Variants in MAPK9 observed in about 807,000 individuals in gnomAD.
MAPK9 encodes Jun kinase.
In MAPK9, 30 loss-of-function variants were observed where a neutral mutation model predicts 57.1. The observed-to-expected ratio is 0.53, with a 90% CI of 0.39 to 0.71. MAPK9 has a LOEUF of 0.71. Ranked by LOEUF, MAPK9 falls within the 30% of genes least tolerant of loss-of-function variation. The pLI is 0.00. For synonymous variants in MAPK9, 155 were observed against 177.0 expected (o/e 0.88, Z 0.99); for missense variants, 362 against 521.0 (o/e 0.69, Z 2.97).
chr5:180,281,860 C>T (rs530410817), intron 1 of MAPK9, among the ~76,000 whole-genome samples: 1 of 152,334 alleles, frequency 6.6e-6, no homozygotes, highest in Admixed American at 6.5e-5. Context: ...GGTGTGTTAG[C>T]GTGCCAGCCA....
Position 180,241,015 on chromosome 5 carries a change from C to T in MAPK9, c.996+16G>A. 3.1e-6 allele frequency: 5 copies of T among 1,609,318 alleles called. No homozygotes were observed. In the African/African-American group the frequency reaches 6.7e-5, roughly 22 times the overall value. The stretch of plus-strand genomic sequence containing the variant: ...CCTGGCCTCTCTATATAAATCTTTT[C>T]AAAACAGATACTCACGGCTTCTGCT... On this transcript the variant is annotated intron_variant, in intron 9 of 11. Transcript: ENST00000452135.
chr5:180,254,998 C>T (rs971372370), intron 5 of MAPK9, among the ~76,000 whole-genome samples: 1 of 152,156 alleles, frequency 6.6e-6, no homozygotes, highest in African/African-American at 2.4e-5. Flanking sequence ...CATGCCACTG[C>T]ACTCCAGCCT....
At chr5:180,266,942 A>G (rs1394390893) in intron 3 of MAPK9, among the ~76,000 whole-genome samples, 1 of 152,194 alleles carries the variant, frequency 6.6e-6, no homozygotes, top group East Asian at 1.9e-4. Flanking sequence ...AAACAAAACA[A>G]TCTATCCAAC....
chr5:180,241,163 GACA>G lies in MAPK9; in HGVS notation c.872-11_872-9del. The G allele has an allele frequency of 6.2e-7, 1 of 1,607,880 alleles. No homozygotes were observed. Among genetic ancestry groups the G allele is most frequent in the Admixed American group, 1.7e-5 (1 of 58,896 alleles). ...GATCTCTGGCTTGACTTGCTAGGGTGACAACAAATATTAAATTAATGCTGTTAA... is the reference window on the plus strand; with the variant it reads ...GATCTCTGGCTTGACTTGCTAGGGTGACAAATATTAAATTAATGCTGTTAA... On this transcript the variant is annotated splice_polypyrimidine_tract_variant and intron_variant, in intron 8 of 11. Transcript: ENST00000452135.
chr5:180,259,768 T>C (rs751328886), intron 5 of MAPK9, among the ~76,000 whole-genome samples: 19 of 152,224 alleles, frequency 1.2e-4, no homozygotes, highest in Non-Finnish European at 2.9e-5. Context: ...CTTCAGATAT[T>C]CCAGTTCTCT....
At chr5:180,291,656 G>A (rs1490529618) in intron 1 of MAPK9, among the ~76,000 whole-genome samples, 192 bp downstream of exon 1, 1 of 151,712 alleles carries the variant, frequency 6.6e-6, no homozygotes, top group Non-Finnish European at 1.5e-5. Flanking sequence ...CCCGCAGCCC[G>A]GGGCTGCTGA....
At chr5:180,240,060 T>C in intron 9 of MAPK9, 73 bp from the exon 10 acceptor site, 1 of 1,122,636 alleles carries the variant, frequency 8.9e-7, no homozygotes, top group Non-Finnish European at 1.3e-6. Context: ...AAGGTAAAAT[T>C]GCTTGGAAGA....
At chr5:180,240,744 A>G (rs1757576055) in intron 9 of MAPK9, among the ~76,000 whole-genome samples, 1 of 152,236 alleles carries the variant, frequency 6.6e-6, no homozygotes, top group Admixed American at 6.5e-5. Flanking sequence ...ACCAAAGCCA[A>G]TGGCACAGAA....
intron 7 of MAPK9, among the ~76,000 whole-genome samples, chr5:180,244,758 A>C (rs1002243335): frequency 7.3e-6 from 1 of 137,816 alleles, no homozygotes; most frequent in African/African-American, 2.8e-5. Flanking sequence ...TGGGCAATGG[A>C]GTGAGACTCT....
At chr5:180,290,865 C>A (rs756555244) in intron 1 of MAPK9, among the ~76,000 whole-genome samples, 4 of 152,180 alleles carry the variant, frequency 2.6e-5, no homozygotes. Context: ...AAGCAGTGGA[C>A]AAATCAGACA....
intron 10 of MAPK9, 59 bp downstream of exon 10, chr5:180,239,865 T>C (rs1168242079): frequency 2.2e-5 from 34 of 1,520,870 alleles, no homozygotes; most frequent in Admixed American, 1.7e-5. Flanking sequence ...GAAAAGCCTC[T>C]GCTCTACAGG....
At position 180,234,929 on chromosome 5, in the gene MAPK9, T is replaced by C. The variant is rs1757075246; in HGVS notation, c.*1455A>G. On this transcript the variant is annotated 3_prime_UTR_variant, in exon 12 of 12. Transcript: ENST00000452135. ...AGAACACACTCTACAGAATGTCGAC[T>C]GAAAAGCTTCCAAAATAATTGAACA... 6.6e-6 allele frequency: 1 copy of C among 152,162 alleles called. No individual in the cohort carries two copies. 9.4% of individuals were successfully genotyped at this position (152,162 alleles called of 1,614,324 possible).
chr5:180,277,395 T>C (rs1044807448), intron 2 of MAPK9, among the ~76,000 whole-genome samples: 2 of 152,188 alleles, frequency 1.3e-5, no homozygotes, highest in Non-Finnish European at 2.9e-5. Flanking sequence ...TGGCCCCACA[T>C]CACTCCAAAC....
intron 2 of MAPK9, among the ~76,000 whole-genome samples, chr5:180,271,314 C>T (rs888881871): frequency 2.0e-5 from 3 of 152,162 alleles, no homozygotes; most frequent in Non-Finnish European, 4.4e-5. Flanking sequence ...GTGGTTATTG[C>T]GGTCACTCAA....
chr5:180,251,851 C>G lies in MAPK9; in HGVS notation c.451-2713G>C, dbSNP rs375102404. ...GAGTGGGGCAGGTGCTGACCTCCCC[C>G]ACTGCCCGCTCAACTCTGGGATCCA... is the stretch of plus-strand genomic sequence containing the variant. On this transcript the variant is annotated intron_variant, in intron 5 of 11. Transcript: ENST00000452135. Among the ~76,000 whole-genome samples, 9 of 152,174 alleles carry G rather than the reference C, an allele frequency of 5.9e-5. No homozygotes were observed. In the East Asian group the frequency reaches 7.7e-4, roughly 13 times the overall value.
rs1758180928 is a variant in MAPK9 at position 180,247,075 on chromosome 5, G to C, written c.688+364C>G. 2 of 241,728 alleles carry C rather than the reference G, an allele frequency of 8.3e-6. No individual in the cohort carries two copies. The highest frequency in any genetic ancestry group is 1.6e-5 in the Non-Finnish European group (2 of 125,640). 15.0% of individuals were successfully genotyped at this position (241,728 alleles called of 1,614,324 possible). A position where few individuals can be genotyped will look rare whatever the true frequency, so the allele number is the denominator to read the frequency against. On this transcript the variant is annotated intron_variant, in intron 7 of 11. Transcript: ENST00000452135. The surrounding 1 kb of genome is among the most constrained non-coding windows in gnomAD (Gnocchi z 4.5). Reference sequence around the variant, plus strand: ...TTAAATTTAGATAGCATCTTTCCTAGTTAAATTAACGGAATAAACTAAATA... The same window carrying C: ...TTAAATTTAGATAGCATCTTTCCTACTTAAATTAACGGAATAAACTAAATA...
At chr5:180,269,488 T>C (rs1761049726) in intron 2 of MAPK9, 79 bp from the exon 3 acceptor site, 1 of 1,318,742 alleles carries the variant, frequency 7.6e-7, no homozygotes, top group East Asian at 2.3e-5. Context: ...ACATTGAATA[T>C]ATCATCTTTT....
chr5:180,247,869 A>T lies in MAPK9; in HGVS notation c.617-359T>A. ...GTGAAGGATACAGTCTCTTCCCGGG[A>T]ACAGGACTTTATGGAGGACCATTTC... On this transcript the variant is annotated intron_variant, in intron 6 of 11. Transcript: ENST00000452135. This position sits in a 1 kb window ranked among gnomAD's most constrained non-coding sequence, Gnocchi z 4.5. 1.2e-6 allele frequency: 2 copies of T among 1,614,124 alleles called. No homozygotes were observed. Among genetic ancestry groups the T allele is most frequent in the Non-Finnish European group, 1.7e-6 (2 of 1,180,020 alleles).
At chr5:180,262,237 C>T (rs959916588) in intron 4 of MAPK9, among the ~76,000 whole-genome samples, 4 of 152,074 alleles carry the variant, frequency 2.6e-5, no homozygotes, top group East Asian at 1.9e-4. Context: ...CAGTACCTCC[C>T]GCTCAATTTT....
Sources: gnomAD v4.1 joint callset for allele counts (sites outside exome capture counted in the v4.1 genomes callset) on GRCh38, gnomAD v4.1.1 for gene constraint, Gnocchi (gnomAD v3.1) non-coding constraint, MANE v1.5 for transcripts, NCBI Gene and HGNC (gene_info 2026-07-23, HGNC 2026-07-21) for gene names.